ARHGAP21: variants seen among roughly 807,000 people sequenced by gnomAD.
ARHGAP21 encodes rho GTPase-activating protein 21.
ARHGAP21 carries 38 observed loss-of-function variants against 164.6 expected under a neutral mutation model. That is an observed-to-expected ratio of 0.23 (90% CI 0.18 to 0.30). The LOEUF (loss-of-function observed/expected upper bound fraction) is 0.30. Among genes scored for constraint, ARHGAP21 ranks in the 10% least tolerant of loss-of-function variants. The pLI, the probability that ARHGAP21 is intolerant of heterozygous loss-of-function variation, is 1.00. For missense variants in ARHGAP21, 1,822 were observed against 2,370.7 expected (o/e 0.77, Z 4.81); for synonymous variants, 766 against 857.9 (o/e 0.89, Z 1.87).
chr10:24,688,997 A>T (rs902048989), intron 2 of ARHGAP21, among the ~76,000 whole-genome samples: 1 of 152,124 alleles, frequency 6.6e-6, no homozygotes, highest in Non-Finnish European at 1.5e-5. Context: ...CTTGGGAGAG[A>T]GGCAAGGGCG....
At chr10:24,618,459 G>A (rs1221817831) in intron 9 of ARHGAP21, among the ~76,000 whole-genome samples, 4 of 152,268 alleles carry the variant, frequency 2.6e-5, no homozygotes, top group Non-Finnish European at 4.4e-5. Context: ...GAGAATGTCC[G>A]TTTCTGTGTC....
chr10:24,703,665 C>T (rs1435612215), intron 2 of ARHGAP21, among the ~76,000 whole-genome samples: 2 of 152,176 alleles, frequency 1.3e-5, no homozygotes, highest in African/African-American at 4.8e-5. Flanking sequence ...GCCACTCTCC[C>T]ACTTCCCATG....
Position 24,602,059 on chromosome 10 carries a change from T to G in ARHGAP21, c.2766A>C (p.Lys922Asn). 2 of 1,613,310 alleles carry G rather than the reference T, an allele frequency of 1.2e-6. No individual in the cohort carries two copies. Among genetic ancestry groups the G allele is most frequent in the Non-Finnish European group, 1.7e-6 (2 of 1,179,910 alleles). ...CACTGAAGACCTCTGAGGAAGAATC[T>G]TTTCTGGACCCAGAGTCTTCTGATG... The part of the protein sequence containing the change: ...QKSSEDSGSR[K>N]DSSSEVFSDA... Residue 922 changes from lysine to asparagine, a missense_variant, in exon 13 of 26, where the codon AAA (lysine) becomes AAC (asparagine). Physicochemically the swap from Lys to Asn is moderately conservative, Grantham distance 94 (BLOSUM62 0). Around this residue, in one of 5 missense-constraint regions of ARHGAP21, gnomAD observed 1,090 missense variants for 1,378.9 expected, o/e 0.79. Transcript: ENST00000396432.
intron 25 of ARHGAP21, among the ~76,000 whole-genome samples, chr10:24,586,495 T>C (rs935941529): frequency 1.3e-5 from 2 of 152,204 alleles, no homozygotes; most frequent in African/African-American, 4.8e-5. Context: ...AACAATATTG[T>C]GACACGGTCA....
chr10:24,660,732 A>G (rs182710704), intron 4 of ARHGAP21, among the ~76,000 whole-genome samples: 14 of 152,336 alleles, frequency 9.2e-5, no homozygotes, highest in Admixed American at 7.2e-4. Flanking sequence ...TCCATTCCCA[A>G]TACAACATCA....
chr10:24,585,577 G>C lies in ARHGAP21; in HGVS notation c.4712C>G (p.Thr1571Arg), dbSNP rs148071624. 3.1e-6 allele frequency: 5 copies of C among 1,614,190 alleles called. No individual in the cohort carries two copies. In the South Asian group the frequency reaches 5.5e-5, roughly 18 times the overall value. ...GTTGGCCAAAAACTCGCTATGTTTC[G>C]TTTCTGGACTGGTTGATTTCTTCAT... ...FSMKKSTSPE[T>R]KHSEFLANVS... The change falls in exon 26 of 26, where the codon ACG becomes AGG. Residue 1571 changes from threonine to arginine, a missense_variant. Around this residue, in one of 5 missense-constraint regions of ARHGAP21, gnomAD observed 333 missense variants for 383.9 expected, o/e 0.87. Transcript: ENST00000396432.
rs148884447 is a variant in ARHGAP21, at chr10:24,660,507, C to T, written c.268+6478G>A. The stretch of plus-strand genomic sequence containing the variant: ...TTTGAAAGCAATTCTAAACATGCTT[C>T]TGATACCCCACCCAAAGCCTTCGAT... On this transcript the variant is annotated intron_variant, in intron 4 of 25. Transcript: ENST00000396432. Among the ~76,000 whole-genome samples, 231 of 150,144 alleles carry T rather than the reference C, an allele frequency of 1.5e-3. 5 individuals carry two copies. The East Asian group carries it at 0.039, about 26-fold the overall frequency.
chr10:24,676,625 C>T (rs1272628240), intron 2 of ARHGAP21, among the ~76,000 whole-genome samples: 2 of 152,144 alleles, frequency 1.3e-5, no homozygotes, highest in Non-Finnish European at 2.9e-5. Flanking sequence ...CCAGACTTCA[C>T]CCCTACGCAA....
At chr10:24,629,865 G>A in intron 7 of ARHGAP21, 131 bp downstream of exon 7, 1 of 743,752 alleles carries the variant, frequency 1.3e-6, no homozygotes, top group East Asian at 2.7e-5. Context: ...TCCAGATTCT[G>A]TAAAAGGAAC....
intron 2 of ARHGAP21, among the ~76,000 whole-genome samples, chr10:24,684,858 C>G (rs902490971): frequency 6.6e-6 from 1 of 152,078 alleles, no homozygotes; most frequent in Non-Finnish European, 1.5e-5. Context: ...AGGCTGGTCT[C>G]GAACTCCTGA....
chr10:24,619,515 T>C lies in ARHGAP21; in HGVS notation c.2380A>G (p.Thr794Ala), dbSNP rs764086017. Residue 794 changes from threonine (T) to alanine (A), a missense_variant, in exon 9 of 26, where the codon ACC (threonine) becomes GCC (alanine). Physicochemically the swap from Thr to Ala is moderately conservative, Grantham distance 58 (BLOSUM62 0). This residue lies in a region of ARHGAP21 where 1,090 missense variants were observed against 1,378.9 expected (regional missense o/e 0.79). Transcript: ENST00000396432. The part of the protein sequence containing the change: ...KRMEERKASS[T>A]SPPGDSLASI... The stretch of plus-strand genomic sequence containing the variant: ...GCCAAAGAATCGCCAGGCGGACTGG[T>C]ACTCGAGGCTTTTCTTTCCTCCATT... 6 of 1,614,022 alleles carry C rather than the reference T, an allele frequency of 3.7e-6. No homozygotes were observed. In the African/African-American group the frequency reaches 8.0e-5, roughly 22 times the overall value.
At chr10:24,703,531 T>C (rs916671245) in intron 2 of ARHGAP21, among the ~76,000 whole-genome samples, 18 of 152,146 alleles carry the variant, frequency 1.2e-4, no homozygotes, top group African/African-American at 4.1e-4. Flanking sequence ...TTGAATTCAG[T>C]TCTTGGGCAC....
chr10:24,658,038 A>C (rs1384985206), intron 4 of ARHGAP21, among the ~76,000 whole-genome samples: 24 of 54,394 alleles, frequency 4.4e-4, no homozygotes, highest in Non-Finnish European at 6.6e-5. Flanking sequence ...AACACCCAAG[A>C]ATTATCAATA....
intron 4 of ARHGAP21, among the ~76,000 whole-genome samples, chr10:24,648,213 C>T (rs1391319258): frequency 1.3e-5 from 2 of 152,186 alleles, no homozygotes; most frequent in South Asian, 2.1e-4. Flanking sequence ...CTGCCACCAC[C>T]TCCCTCGAAC....
Position 24,600,947 on chromosome 10 carries a change from A to C in ARHGAP21, c.2848-17T>G. The C allele has an allele frequency of 1.9e-6, 3 of 1,605,780 alleles. No individual in the cohort carries two copies. The highest frequency in any genetic ancestry group is 2.6e-6 in the Non-Finnish European group (3 of 1,174,166). On this transcript the variant is annotated splice_polypyrimidine_tract_variant and intron_variant, in intron 13 of 25. Coordinates refer to ENST00000396432, the MANE Select transcript of ARHGAP21 (RefSeq NM_020824.4). ...ACCAACTCGCTAGAAAACATGCGAC[A>C]GTTCTTTAATAGTCAATATTTGGCT... is the stretch of plus-strand genomic sequence containing the variant.
chr10:24,658,918 G>A (rs1348798053), intron 4 of ARHGAP21, among the ~76,000 whole-genome samples: 1 of 152,118 alleles, frequency 6.6e-6, no homozygotes, highest in Non-Finnish European at 1.5e-5. Context: ...CACAAATGGC[G>A]ACAAGCACAC....
intron 2 of ARHGAP21, among the ~76,000 whole-genome samples, chr10:24,712,412 G>A (rs536757522): frequency 2.8e-4 from 43 of 152,184 alleles, no homozygotes; most frequent in Admixed American, 1.2e-3. Context: ...GACCTCCTGC[G>A]GATACCAAAA....
intron 6 of ARHGAP21, among the ~76,000 whole-genome samples, chr10:24,632,805 C>T (rs919123648): frequency 2.0e-5 from 3 of 152,158 alleles, no homozygotes; most frequent in Non-Finnish European, 2.9e-5. Context: ...TGGTTTCTAA[C>T]TTATTTGTAA....
chr10:24,671,789 C>G (rs1024196074), intron 2 of ARHGAP21, among the ~76,000 whole-genome samples: 2 of 148,172 alleles, frequency 1.3e-5, no homozygotes, highest in African/African-American at 5.0e-5. Flanking sequence ...GTGCCATGAT[C>G]ATAGTTCACT....
Sources: allele counts gnomAD v4.1 joint callset (sites outside exome capture counted in the v4.1 genomes callset), GRCh38; gene constraint gnomAD v4.1.1; regional missense constraint gnomAD v4.1.1; transcripts MANE v1.5; gene names NCBI Gene and HGNC (gene_info 2026-07-23, HGNC 2026-07-21).